Variants in KAZN observed in about 807,000 individuals in gnomAD.
KAZN encodes kazrin, periplakin interacting protein.
KAZN carries 40 observed loss-of-function variants against 87.4 expected under a neutral mutation model. The observed-to-expected ratio is 0.46, with a 90% CI of 0.36 to 0.60. The LOEUF (loss-of-function observed/expected upper bound fraction) is 0.60. Among genes scored for constraint, KAZN ranks in the 20% least tolerant of loss-of-function variants. KAZN has a pLI of 0.00. For missense variants in KAZN, 898 were observed against 1,073.9 expected (o/e 0.84, Z 2.29); for synonymous variants, 466 against 458.3 (o/e 1.02, Z -0.22).
At chr1:14,595,107 A>G (rs1315293082), upstream of KAZN, among the ~76,000 whole-genome samples, 2 of 151,212 alleles carry the variant, frequency 1.3e-5, no homozygotes, top group Admixed American at 1.3e-4. Context: ...TCACACCACT[A>G]TGCTCCAGCC....
chr1:14,418,553 G>A (rs575664183), intron 2 of KAZN, among the ~76,000 whole-genome samples: 27 of 152,294 alleles, frequency 1.8e-4, no homozygotes, highest in Admixed American at 1.5e-3. Context: ...TTAGGAACCA[G>A]TCAGAATTTA....
chr1:14,584,129 C>T (rs1274665862), intron 2 of KAZN, among the ~76,000 whole-genome samples: 3 of 152,172 alleles, frequency 2.0e-5, no homozygotes, highest in African/African-American at 7.2e-5. Flanking sequence ...AAGTGCTCCT[C>T]CCCACTCCAT....
chr1:14,041,551 G>A (rs1641839228), intron 1 of KAZN, among the ~76,000 whole-genome samples: 1 of 151,940 alleles, frequency 6.6e-6, no homozygotes, highest in African/African-American at 2.4e-5. Context: ...TTTTCTCCTT[G>A]ATTTCTCTCT....
At chr1:14,819,449 G>A (rs7412472) in intron 1 of KAZN, among the ~76,000 whole-genome samples, 22 of 152,076 alleles carry the variant, frequency 1.4e-4, no homozygotes, top group African/African-American at 5.3e-4. Context: ...GGTGAGGACC[G>A]TTGTTCTTAT....
At chr1:14,861,523 C>T (rs10803320) in intron 1 of KAZN, among the ~76,000 whole-genome samples, 64,200 of 152,088 alleles carry the variant, frequency 0.42, 15,639 homozygotes, top group African/African-American at 0.66. Flanking sequence ...ATGTTTGTTA[C>T]TTCATTCATT....
chr1:14,790,876 G>A (rs370978761), intron 1 of KAZN, among the ~76,000 whole-genome samples: 1 of 152,130 alleles, frequency 6.6e-6, no homozygotes, highest in South Asian at 2.1e-4. Context: ...ATTTTTAATA[G>A]AGATGGGGTT....
intron 2 of KAZN, among the ~76,000 whole-genome samples, chr1:14,498,764 G>T (rs1670087150): frequency 1.3e-5 from 2 of 151,906 alleles, no homozygotes; most frequent in Non-Finnish European, 2.9e-5. Flanking sequence ...TAGGAGTCTG[G>T]GTACTTATTC....
At chr1:14,593,578 A>T (rs1676325752) in intron 2 of KAZN, among the ~76,000 whole-genome samples, 1 of 152,238 alleles carries the variant, frequency 6.6e-6, no homozygotes. Context: ...AGGAGTTTAA[A>T]GACCTTCACC....
chr1:14,924,058 C>CGGGGCG (rs1384900551), intron 1 of KAZN: 26 of 759,748 alleles, frequency 3.4e-5, no homozygotes, highest in African/African-American at 1.4e-4. Flanking sequence ...GGGGCGGGGG[C>CGGGGCG]GGGGCGGGGG....
intron 8 of KAZN, among the ~76,000 whole-genome samples, chr1:15,083,806 C>T (rs190096275): frequency 1.2e-3 from 185 of 152,328 alleles, no homozygotes; most frequent in African/African-American, 4.3e-3. Context: ...CCCCACACAC[C>T]ATCCTGCCTC....
intron 2 of KAZN, among the ~76,000 whole-genome samples, chr1:14,277,066 C>T (rs919195057): frequency 2.6e-5 from 4 of 152,188 alleles, no homozygotes; most frequent in African/African-American, 9.6e-5. Flanking sequence ...AAAACTTCCT[C>T]TTTTTCTTTC....
intron 1 of KAZN, among the ~76,000 whole-genome samples, chr1:14,704,692 G>A (rs1572267773): frequency 6.6e-6 from 1 of 152,312 alleles, no homozygotes; most frequent in African/African-American, 2.4e-5. Flanking sequence ...ACTCCTCCCA[G>A]ATCCTCTTTC....
chr1:14,381,208 A>G (rs1290636967), intron 2 of KAZN, among the ~76,000 whole-genome samples: 3 of 152,184 alleles, frequency 2.0e-5, no homozygotes, highest in Admixed American at 6.5e-5. Flanking sequence ...GAAAGGTATA[A>G]CAATTTTACA....
intron 2 of KAZN, among the ~76,000 whole-genome samples, chr1:14,336,496 AT>A (rs1424114661): frequency 6.6e-6 from 1 of 152,202 alleles, no homozygotes; most frequent in Admixed American, 6.5e-5. Context: ...TGACTGTGTC[AT>A]ATGCTAATTC....
chr1:15,080,415 G>T (rs926954193), intron 8 of KAZN, among the ~76,000 whole-genome samples: 2 of 152,018 alleles, frequency 1.3e-5, no homozygotes, highest in Non-Finnish European at 2.9e-5. Flanking sequence ...TGGTGGCAGG[G>T]CCCCTGCCAC....
Position 15,031,402 on chromosome 1 carries a change from C to T in KAZN, c.419-3347C>T, listed in dbSNP as rs142782885. Among the ~76,000 whole-genome samples, 1,214 of 152,314 alleles carry T rather than the reference C, an allele frequency of 8.0e-3. 20 individuals carry two copies. The highest frequency in any genetic ancestry group is 0.028 in the African/African-American group (1,177 of 41,554). ...CTTGGTATTCTCTCCAGGAAAAGGACGGAGTGCTAGGGGTCTGGGCAAAGG... is the reference window on the plus strand; with the variant it reads ...CTTGGTATTCTCTCCAGGAAAAGGATGGAGTGCTAGGGGTCTGGGCAAAGG... On this transcript the variant is annotated intron_variant, in intron 2 of 14. Transcript: ENST00000376030.
chr1:14,295,661 G>A (rs1368346540), intron 2 of KAZN, among the ~76,000 whole-genome samples: 1 of 152,040 alleles, frequency 6.6e-6, no homozygotes, highest in Non-Finnish European at 1.5e-5. Context: ...CCTAGGGAAA[G>A]ACACACAAAC....
chr1:15,094,355 G>A lies in KAZN; in HGVS notation c.1398G>A (p.Lys466=). The A allele has an allele frequency of 6.2e-7, 1 of 1,613,668 alleles. No individual in the cohort carries two copies. Among genetic ancestry groups the A allele is most frequent in the Non-Finnish European group, 8.5e-7 (1 of 1,179,758 alleles). Residue 466 remains lysine, a synonymous_variant, in exon 9 of 15, where the codon AAG becomes AAA. Coordinates refer to ENST00000376030, the MANE Select transcript of KAZN (RefSeq NM_201628.3). This position sits in a 1 kb window ranked among gnomAD's most constrained non-coding sequence, Gnocchi z 4.5. ...TGATGGCCATGCCTATGTACGTCAA[G>A]GCCTGCACGGAGAACGTGAAGAGCG... ...EVVMAMPMYV[K]ACTENVKSGK... is the part of the protein sequence containing the mutation.
intron 2 of KAZN, among the ~76,000 whole-genome samples, chr1:14,982,879 G>A (rs57517339): frequency 0.015 from 2,244 of 152,260 alleles, 53 homozygotes; most frequent in African/African-American, 0.041. Context: ...CATGCGAAGC[G>A]CAGGTGCTGA....
Sources: gnomAD v4.1 joint callset for allele counts (sites outside exome capture counted in the v4.1 genomes callset) on GRCh38, gnomAD v4.1.1 for gene constraint, Gnocchi (gnomAD v3.1) non-coding constraint, MANE v1.5 for transcripts, NCBI Gene and HGNC (gene_info 2026-07-23, HGNC 2026-07-21) for gene names.